Variants in ARMH4 observed in about 807,000 individuals in gnomAD.
ARMH4 encodes armadillo-like helical domain-containing protein 4.
In ARMH4, 49 loss-of-function variants were observed where a neutral mutation model predicts 61.9. The observed-to-expected ratio is 0.79, with a 90% CI of 0.63 to 1.00. The LOEUF (loss-of-function observed/expected upper bound fraction) is 1.00. Ranked by LOEUF, ARMH4 falls within the 50% of genes least tolerant of loss-of-function variation. The pLI, the probability that ARMH4 is intolerant of heterozygous loss-of-function variation, is 0.00. For synonymous variants in ARMH4, 368 were observed against 341.5 expected, an observed-to-expected ratio of 1.08 and a Z score of -0.85; for missense variants, 934 against 930.0, an observed-to-expected ratio of 1.00 and a Z score of -0.06.
chr14:58,110,880 G>A (rs993916300), intron 4 of ARMH4, among the ~76,000 whole-genome samples: 3 of 151,718 alleles, frequency 2.0e-5, no homozygotes, highest in East Asian at 1.9e-4. Flanking sequence ...CACACACCAC[G>A]CCCAGCTAAT....
chr14:58,129,192 G>A (rs943121407), intron 4 of ARMH4, among the ~76,000 whole-genome samples: 1 of 152,236 alleles, frequency 6.6e-6, no homozygotes, highest in African/African-American at 2.4e-5. Context: ...TTGTAGAGAT[G>A]TGAGAAGCAG....
intron 6 of ARMH4, among the ~76,000 whole-genome samples, chr14:58,011,782 A>AAC (rs71107903): frequency 0.17 from 24,575 of 146,346 alleles, 2,620 homozygotes; most frequent in East Asian, 0.46. Context: ...AAAAAAAAAA[A>AAC]CAGATGGAAT....
intron 5 of ARMH4, among the ~76,000 whole-genome samples, chr14:58,048,569 T>C (rs975909384): frequency 3.9e-5 from 6 of 152,192 alleles, no homozygotes; most frequent in Non-Finnish European, 5.9e-5. Flanking sequence ...CACTTTATGC[T>C]TGTCTGCTTC....
intron 5 of ARMH4, among the ~76,000 whole-genome samples, chr14:58,070,245 A>T (rs1884841477): frequency 6.6e-6 from 1 of 152,178 alleles, no homozygotes. Flanking sequence ...GATCGCATGC[A>T]GGTGGCAGGG....
At chr14:58,110,778 A>G (rs1294152877) in intron 4 of ARMH4, among the ~76,000 whole-genome samples, 1 of 151,898 alleles carries the variant, frequency 6.6e-6, no homozygotes, top group African/African-American at 2.4e-5. Flanking sequence ...CTGGAGTGCA[A>G]TGGTGCCATC....
chr14:58,089,966 T>C (rs778792405), intron 5 of ARMH4, among the ~76,000 whole-genome samples: 1 of 152,190 alleles, frequency 6.6e-6, no homozygotes, highest in Non-Finnish European at 1.5e-5. Context: ...CAGCACACAC[T>C]TTGTAGGTGC....
intron 4 of ARMH4, chr14:58,116,511 C>CA: frequency 4.2e-6 from 1 of 238,738 alleles, no homozygotes; most frequent in Non-Finnish European, 9.0e-6. Context: ...CCCGTCTCTA[C>CA]AAAAAAATAC....
intron 5 of ARMH4, among the ~76,000 whole-genome samples, chr14:58,092,371 G>C (rs562406976): frequency 6.6e-6 from 1 of 152,130 alleles, no homozygotes; most frequent in Non-Finnish European, 1.5e-5. Context: ...CAATGTTTAC[G>C]CTCTGAGCAT....
chr14:58,111,564 C>A (rs971564992), intron 4 of ARMH4, among the ~76,000 whole-genome samples: 8 of 152,188 alleles, frequency 5.3e-5, no homozygotes, highest in African/African-American at 1.9e-4. Flanking sequence ...AGGCACCAGC[C>A]AGGTGGGTTT....
At chr14:58,057,467 T>C (rs1362956087) in intron 5 of ARMH4, among the ~76,000 whole-genome samples, 1 of 152,214 alleles carries the variant, frequency 6.6e-6, no homozygotes, top group Non-Finnish European at 1.5e-5. Context: ...TTAAGTCATA[T>C]AACTAGTTAG....
intron 5 of ARMH4, among the ~76,000 whole-genome samples, chr14:58,090,798 T>C (rs542399265): frequency 4.5e-4 from 68 of 149,460 alleles, no homozygotes; most frequent in African/African-American, 1.6e-3. Context: ...GAGAATCGCT[T>C]GAACCCGAGA....
At chr14:58,125,090 C>G (rs184536710) in intron 4 of ARMH4, among the ~76,000 whole-genome samples, 1 of 151,826 alleles carries the variant, frequency 6.6e-6, no homozygotes, top group Non-Finnish European at 1.5e-5. Flanking sequence ...CTTACACTGC[C>G]GGGGTCATCA....
chr14:58,110,249 A>G (rs1566584618), intron 4 of ARMH4, among the ~76,000 whole-genome samples: 1 of 152,196 alleles, frequency 6.6e-6, no homozygotes, highest in Non-Finnish European at 1.5e-5. Flanking sequence ...ATCATGTCCA[A>G]CATGATGTTT....
chr14:58,120,550 T>C (rs564507863), intron 4 of ARMH4, among the ~76,000 whole-genome samples: 30 of 152,256 alleles, frequency 2.0e-4, no homozygotes, highest in Non-Finnish European at 4.0e-4. Flanking sequence ...AAGAGATATA[T>C]TCTGAGCCAA....
chr14:58,070,356 T>C (rs1438059124), intron 5 of ARMH4, among the ~76,000 whole-genome samples: 1 of 152,098 alleles, frequency 6.6e-6, no homozygotes, highest in Non-Finnish European at 1.5e-5. Context: ...TGAAGGGGTT[T>C]CTACATGCTG....
intron 4 of ARMH4, among the ~76,000 whole-genome samples, chr14:58,118,462 C>T (rs1350626260): frequency 8.0e-6 from 1 of 125,576 alleles, no homozygotes; most frequent in East Asian, 2.4e-4. Context: ...GGTGGTGAGC[C>T]CTAGGAGAAA....
At chr14:58,009,822 AAAAAAAG>A (rs1276836094) in intron 6 of ARMH4, among the ~76,000 whole-genome samples, 3 of 144,424 alleles carry the variant, frequency 2.1e-5, no homozygotes, top group East Asian at 2.4e-4. Flanking sequence ...AAAAAAAAAA[AAAAAAAG>A]AGAGAGAGAG....
At chr14:58,078,063 C>G (rs2141238019) in intron 5 of ARMH4, among the ~76,000 whole-genome samples, 1 of 152,336 alleles carries the variant, frequency 6.6e-6, no homozygotes. Flanking sequence ...CTCTCCTACT[C>G]TAAGATGAAA....
intron 4 of ARMH4, among the ~76,000 whole-genome samples, chr14:58,123,447 G>A (rs1886795646): frequency 6.6e-6 from 1 of 152,174 alleles, no homozygotes; most frequent in African/African-American, 2.4e-5. Flanking sequence ...CCAAGGCCTA[G>A]TGAAATCATG....
Sources: gnomAD v4.1 joint callset for allele counts (sites outside exome capture counted in the v4.1 genomes callset) on GRCh38, gnomAD v4.1.1 for gene constraint, MANE v1.5 for transcripts, NCBI Gene and HGNC (gene_info 2026-07-23, HGNC 2026-07-21) for gene names.